Variants in TIMP2 observed in about 807,000 individuals in gnomAD.
The protein encoded by TIMP2 is metalloproteinase inhibitor 2.
Under a neutral mutation model 24.3 loss-of-function variants are expected in TIMP2, and 5 were observed. The observed-to-expected ratio is 0.21, with a 90% confidence interval of 0.11 to 0.43. The LOEUF (loss-of-function observed/expected upper bound fraction) is 0.43, where lower values mean the gene tolerates loss of function less well. Among genes scored for constraint, TIMP2 ranks in the 20% least tolerant of loss-of-function variants. The pLI is 1.00. For synonymous variants in TIMP2, 130 were observed against 123.2 expected, an observed-to-expected ratio of 1.06 and a Z score of -0.37; for missense variants, 221 against 297.5, an observed-to-expected ratio of 0.74 and a Z score of 1.89.
chr17:78,910,283 C>T (rs551313908), intron 1 of TIMP2, among the ~76,000 whole-genome samples: 13 of 151,786 alleles, frequency 8.6e-5, no homozygotes, highest in Admixed American at 2.0e-4. Context: ...ACCTCCACCT[C>T]CCGGGTTCAA....
chr17:78,866,021 GA>G (rs753176271), intron 3 of TIMP2, among the ~76,000 whole-genome samples: 3 of 152,132 alleles, frequency 2.0e-5, no homozygotes, highest in Non-Finnish European at 4.4e-5. Context: ...ACAGGATGCA[GA>G]AAACTGGAAG....
chr17:78,890,936 A>G, intron 1 of TIMP2: 1 of 1,550,730 alleles, frequency 6.4e-7, no homozygotes, highest in African/African-American at 1.4e-5. Flanking sequence ...TGGGTGTTCC[A>G]TTTGTTCAAG....
At chr17:78,864,033 C>T (rs1391994101) in intron 3 of TIMP2, among the ~76,000 whole-genome samples, 3 of 152,148 alleles carry the variant, frequency 2.0e-5, no homozygotes, top group Non-Finnish European at 2.9e-5. Context: ...TTCACTCGGG[C>T]ATCTCATTGT....
At chr17:78,910,462 G>A (rs2145791827) in intron 1 of TIMP2, among the ~76,000 whole-genome samples, 1 of 152,126 alleles carries the variant, frequency 6.6e-6, no homozygotes, top group Admixed American at 6.5e-5. Context: ...CAAAGTGTTG[G>A]GATTAAAGGT....
In TIMP2 at chr17:78,879,323, C is replaced by A. The variant is rs538990194; in HGVS notation, c.131-5404G>T. 2.6e-5 allele frequency among the ~76,000 whole-genome samples: 4 copies of A among 152,200 alleles called. No individual in the cohort carries two copies. In the East Asian group the frequency reaches 7.7e-4, roughly 29 times the overall value. ...TCCGCACTCTGAGCTCCAGGATGGA[C>A]CACCAGTTCTGTAGGGGAAAGCAGG... On this transcript the variant is annotated intron_variant, in intron 1 of 4. Coordinates refer to ENST00000262768, the MANE Select transcript of TIMP2 (RefSeq NM_003255.5).
At position 78,891,549 on chromosome 17, in the gene TIMP2, T is replaced by TGCAGCTGGAATCAGCTGGCC; in HGVS notation, c.131-17650_131-17631dup. On this transcript the variant is annotated intron_variant, in intron 1 of 4. Coordinates refer to ENST00000262768, the MANE Select transcript of TIMP2 (RefSeq NM_003255.5). The surrounding 1 kb of genome is among the most constrained non-coding windows in gnomAD (Gnocchi z 4.5). The stretch of plus-strand genomic sequence containing the variant: ...GATGCTGGGGACACGGCTTCCCTTC[T>TGCAGCTGGAATCAGCTGGCC]GCAGCTGGAATCAGCTGGCCACAGC... 2 of 1,550,996 alleles carry TGCAGCTGGAATCAGCTGGCC rather than the reference T, an allele frequency of 1.3e-6. No individual in the cohort carries two copies. Among genetic ancestry groups the TGCAGCTGGAATCAGCTGGCC allele is most frequent in the Non-Finnish European group, 1.7e-6 (2 of 1,147,090 alleles).
At chr17:78,915,756 G>GT (rs2070252141) in intron 1 of TIMP2, among the ~76,000 whole-genome samples, 2 of 152,150 alleles carry the variant, frequency 1.3e-5, no homozygotes, top group African/African-American at 4.8e-5. Context: ...CCGACCTCAG[G>GT]CGATCCACAT....
chr17:78,857,495 G>A lies in TIMP2; in HGVS notation c.465+27C>T, dbSNP rs747145265. Reference sequence around the variant, plus strand: ...TCTGGAGACACTGGGAGGAGGCGATGCTCCAGCAGAGGCAGGACCTGCTTA... The same window carrying A: ...TCTGGAGACACTGGGAGGAGGCGATACTCCAGCAGAGGCAGGACCTGCTTA... On this transcript the variant is annotated intron_variant, in intron 4 of 4. Transcript: ENST00000262768. The A allele has an allele frequency of 2.2e-5, 36 of 1,613,810 alleles. No individual in the cohort carries two copies. In the South Asian group the frequency reaches 3.6e-4, roughly 16 times the overall value.
chr17:78,889,874 C>T (rs544175123), intron 1 of TIMP2, among the ~76,000 whole-genome samples: 1 of 152,332 alleles, frequency 6.6e-6, no homozygotes, highest in South Asian at 2.1e-4. Flanking sequence ...AATCCCAGCA[C>T]TTTGGGAGGC....
At position 78,923,782 on chromosome 17, in the gene TIMP2, G is replaced by C. The variant is rs1450342809; in HGVS notation, c.130+1177C>G. On this transcript the variant is annotated intron_variant, in intron 1 of 4. Transcript: ENST00000262768. ...GTGCAACTGAAAACTTCCCCAGCTGGGCACGCAGCTCCTAGGGCTAACCGG... is the reference window on the plus strand; with the variant it reads ...GTGCAACTGAAAACTTCCCCAGCTGCGCACGCAGCTCCTAGGGCTAACCGG... Among the ~76,000 whole-genome samples, 5 of 152,264 alleles carry C rather than the reference G, an allele frequency of 3.3e-5. 1 individual carries two copies. The highest frequency in any genetic ancestry group is 3.3e-4 in the Admixed American group (5 of 15,302).
intron 1 of TIMP2, among the ~76,000 whole-genome samples, chr17:78,916,922 C>T (rs2145795561): frequency 6.6e-6 from 1 of 152,338 alleles, no homozygotes; most frequent in East Asian, 1.9e-4. Context: ...ATCCACCCCT[C>T]AGGGCCCACA....
chr17:78,908,038 G>C (rs1193448591), intron 1 of TIMP2, among the ~76,000 whole-genome samples: 1 of 152,166 alleles, frequency 6.6e-6, no homozygotes, highest in Non-Finnish European at 1.5e-5. Context: ...GGGAGGCTGA[G>C]GTGGGAGGAT....
chr17:78,923,396 T>TGGGGGGGGGGGGGGGG (rs1255104339), intron 1 of TIMP2, among the ~76,000 whole-genome samples: 18 of 47,686 alleles, frequency 3.8e-4, no homozygotes, highest in Admixed American at 6.7e-4. Flanking sequence ...TGGGGCGGGG[T>TGGGGGGGGGGGGGGGG]GGGGGGGGGG....
intron 3 of TIMP2, among the ~76,000 whole-genome samples, chr17:78,870,116 G>T (rs530723172): frequency 6.6e-6 from 1 of 152,190 alleles, no homozygotes; most frequent in East Asian, 1.9e-4. Flanking sequence ...CCACTGAAGT[G>T]TACACTTGAA....
chr17:78,918,548 C>T (rs999874193), intron 1 of TIMP2, among the ~76,000 whole-genome samples: 1 of 152,184 alleles, frequency 6.6e-6, no homozygotes, highest in Non-Finnish European at 1.5e-5. Flanking sequence ...TGGGTCTGCC[C>T]GCCTTCCCTC....
chr17:78,918,072 A>ACGCGCG (rs756219381), intron 1 of TIMP2, among the ~76,000 whole-genome samples: 8 of 106,296 alleles, frequency 7.5e-5, no homozygotes, highest in South Asian at 5.5e-4. Flanking sequence ...ACAAACACAC[A>ACGCGCG]CACACACACA....
At chr17:78,905,008 C>T (rs34794669) in intron 1 of TIMP2, 80,181 of 151,954 alleles carry the variant, frequency 0.53, 21,413 homozygotes, top group Middle Eastern at 0.61. Context: ...GGCGTGGTGG[C>T]GCACACCTAC....
At chr17:78,903,483 T>C (rs1008614658) in intron 1 of TIMP2, among the ~76,000 whole-genome samples, 3 of 152,160 alleles carry the variant, frequency 2.0e-5, no homozygotes, top group African/African-American at 7.2e-5. Flanking sequence ...TCCCAGGGTG[T>C]CATTCTCTCT....
In TIMP2 at chr17:78,855,524, G is replaced by A. The variant is rs1380785696; in HGVS notation, c.*143C>T. On this transcript the variant is annotated 3_prime_UTR_variant, in exon 5 of 5. Coordinates refer to ENST00000262768, the MANE Select transcript of TIMP2 (RefSeq NM_003255.5). The surrounding 1 kb of genome is among the most constrained non-coding windows in gnomAD (Gnocchi z 6.0). Reference sequence around the variant, plus strand: ...CCCACAACCATGTCTAAAAGGAGAAGGGGGGAGCAGAATCATATTAATTTG... The same window carrying A: ...CCCACAACCATGTCTAAAAGGAGAAAGGGGGAGCAGAATCATATTAATTTG... 7.1e-6 allele frequency: 7 copies of A among 990,076 alleles called. No homozygotes were observed. Among genetic ancestry groups the A allele is most frequent in the South Asian group, 4.9e-5 (3 of 61,306 alleles). 61.3% of individuals were successfully genotyped at this position (990,076 alleles called of 1,614,324 possible).
Sources: gnomAD v4.1 joint callset for allele counts (sites outside exome capture counted in the v4.1 genomes callset) on GRCh38, gnomAD v4.1.1 for gene constraint, Gnocchi (gnomAD v3.1) non-coding constraint, MANE v1.5 for transcripts, NCBI Gene and HGNC (gene_info 2026-07-23, HGNC 2026-07-21) for gene names.